Variants in MED22 observed in about 807,000 individuals in gnomAD.
MED22 encodes the protein mediator complex subunit 22.
A neutral mutation model predicts 22.7 loss-of-function variants in MED22; 22 were observed. The ratio of observed to expected loss-of-function variants is 0.97; its 90% CI spans 0.69 to 1.38. The LOEUF (loss-of-function observed/expected upper bound fraction) is 1.38. MED22 is among the 40% of genes most tolerant of loss of function. MED22 has a pLI of 0.00. For missense variants in MED22, 247 were observed against 263.0 expected, an observed-to-expected ratio of 0.94 and a Z score of 0.42; for synonymous variants, 134 against 119.4, an observed-to-expected ratio of 1.12 and a Z score of -0.80.
intron 4 of MED22, chr9:133,343,276 C>T: frequency 8.2e-7 from 1 of 1,223,046 alleles, no homozygotes; most frequent in Non-Finnish European, 1.0e-6. Context: ...GGAGAAGGCA[C>T]AAGATGGACA....
chr9:133,347,046 C>G (rs1330406459), intron 1 of MED22: 9 of 209,572 alleles, frequency 4.3e-5, no homozygotes, highest in Admixed American at 3.3e-4. Context: ...CTTCTTAGCC[C>G]GCCGCCACCT....
intron 4 of MED22, chr9:133,342,895 T>C: frequency 1.0e-6 from 1 of 985,528 alleles, no homozygotes; most frequent in Non-Finnish European, 1.2e-6. Flanking sequence ...GCAGGCTGAA[T>C]TACAGGCCCA....
rs1169735517 is a variant in MED22, at chr9:133,343,221, A to G, written c.413+904T>C. The G allele has an allele frequency of 2.6e-6, 3 of 1,162,322 alleles. No homozygotes were observed. The African/African-American group carries it at 4.8e-5, about 18-fold the overall frequency. The allele number at this position is 1,162,322 out of a possible 1,614,324, so 72.0% of individuals were successfully genotyped here. Reference sequence around the variant, plus strand: ...GGCTCCCAGCATGGCCAATGGGCAGAAAGGAGTATTTTAAATCCACCACCA... The same window carrying G: ...GGCTCCCAGCATGGCCAATGGGCAGGAAGGAGTATTTTAAATCCACCACCA... On this transcript the variant is annotated intron_variant, in intron 4 of 4. Transcript: ENST00000343730.
In MED22 at chr9:133,339,284, G is replaced by T. The variant is rs1211673115; in HGVS notation, c.*2221C>A. ...ATATTCAGCACACTAAGCACTCTAA[G>T]AGCCGAGAGAGCTTCCTGAAACGCG... On this transcript the variant is annotated 3_prime_UTR_variant, in exon 5 of 5. Coordinates refer to ENST00000343730, the MANE Select transcript of MED22 (RefSeq NM_133640.5). The T allele has an allele frequency of 1.1e-4, 77 of 704,526 alleles. 2 individuals are homozygous for T. Among genetic ancestry groups the T allele is most frequent in the South Asian group, 1.0e-3 (75 of 73,204 alleles). The allele number at this position is 704,526 out of a possible 1,614,324, so 43.6% of individuals were successfully genotyped here.
chr9:133,341,842 C>A (rs186231211), intron 4 of MED22, 148 bp from the exon 5 acceptor site: 1,413 of 1,405,392 alleles, frequency 1.0e-3, no homozygotes, highest in Non-Finnish European at 1.1e-3. Context: ...CTCCATCTGT[C>A]CCCTGAGTTG....
rs1193600660 is a variant in MED22, at chr9:133,339,557, T to C, written c.*1948A>G. On this transcript the variant is annotated 3_prime_UTR_variant, in exon 5 of 5. Coordinates refer to ENST00000343730, the MANE Select transcript of MED22 (RefSeq NM_133640.5). ...TGGGGAACAACTGAAGAAATCTGAA[T>C]ACAGCTAGATACCAGAGGATATGCA... 2.0e-6 allele frequency: 1 copy of C among 500,350 alleles called. No homozygotes were observed. The highest frequency in any genetic ancestry group is 2.0e-5 in the African/African-American group (1 of 50,724). The allele number at this position is 500,350 out of a possible 1,614,324, so 31.0% of individuals were successfully genotyped here.
At position 133,344,119 on chromosome 9, in the gene MED22, T is replaced by C. The variant is rs2129959484; in HGVS notation, c.413+6A>G. 6 of 1,614,102 alleles carry C rather than the reference T, an allele frequency of 3.7e-6. No individual in the cohort carries two copies. In the Middle Eastern group the frequency reaches 4.9e-4, roughly 133 times the overall value. ...CTCTGCATGGGGAGTCCAGCGCTATTTATACCTGGACGAGTAATACTCCTC... is the reference window on the plus strand; with the variant it reads ...CTCTGCATGGGGAGTCCAGCGCTATCTATACCTGGACGAGTAATACTCCTC... On this transcript the variant is annotated splice_donor_region_variant and intron_variant, in intron 4 of 4. Coordinates refer to ENST00000343730, the MANE Select transcript of MED22 (RefSeq NM_133640.5).
At chr9:133,345,404 G>T in intron 2 of MED22, 152 bp from the exon 3 acceptor site, 1 of 730,090 alleles carries the variant, frequency 1.4e-6, no homozygotes, top group Non-Finnish European at 2.3e-6. Context: ...CCTAAGCGCT[G>T]TCAGCCAGAC....
intron 1 of MED22, chr9:133,347,574 CCCGGTGCG>C (rs1257778899): frequency 6.6e-6 from 1 of 152,338 alleles, no homozygotes; most frequent in Non-Finnish European, 1.5e-5. Flanking sequence ...CTCATGGTTC[CCCGGTGCG>C]CCGGGACAAG....
rs997369995 is a variant in MED22 at position 133,340,024 on chromosome 9, C to T, written c.*1481G>A. ...ATTTTAGGAACAGGGTAAGTGGGAT[C>T]CCACCACAAAGTCTGGCCAGTTCCT... On this transcript the variant is annotated 3_prime_UTR_variant, in exon 5 of 5. Transcript: ENST00000343730. The T allele has an allele frequency of 2.6e-5, 4 of 152,380 alleles. No individual in the cohort carries two copies. Among genetic ancestry groups the T allele is most frequent in the African/African-American group, 9.7e-5 (4 of 41,432 alleles). 9.4% of individuals were successfully genotyped at this position (152,380 alleles called of 1,614,324 possible). A position where few individuals can be genotyped will look rare whatever the true frequency, so the allele number is the denominator to read the frequency against.
Position 133,338,912 on chromosome 9 carries a change from C to A in MED22, c.*2593G>T. The A allele has an allele frequency of 1.9e-6, 1 of 533,904 alleles. No homozygotes were observed. 33.1% of individuals were successfully genotyped at this position (533,904 alleles called of 1,614,324 possible). A position where few individuals can be genotyped will look rare whatever the true frequency, so the allele number is the denominator to read the frequency against. ...TTTAGATTTTAAGACTCCAAAATAA[C>A]AACCAAATGCAACACACAATAAAAA... On this transcript the variant is annotated 3_prime_UTR_variant, in exon 5 of 5. Coordinates refer to ENST00000343730, the MANE Select transcript of MED22 (RefSeq NM_133640.5).
Position 133,344,299 on chromosome 9 carries a change from G to T in MED22, c.239C>A (p.Ser80Tyr). ...RAGESLMKLVSDLKQFLILND... is the reference protein window; with the variant it reads ...RAGESLMKLVYDLKQFLILND... The stretch of plus-strand genomic sequence containing the variant: ...GAGGATCAGGAACTGCTTGAGGTCG[G>T]ACACCAGCTTCATCAGGGACTCGCC... Residue 80 changes from serine (S) to tyrosine (Y), a missense_variant, in exon 4 of 5, where the codon TCC becomes TAC. Ser to Tyr is a moderately radical substitution (Grantham distance 144). Transcript: ENST00000343730. The T allele has an allele frequency of 6.2e-7, 1 of 1,614,124 alleles. No individual in the cohort carries two copies. Among genetic ancestry groups the T allele is most frequent in the South Asian group, 1.1e-5 (1 of 91,084 alleles).
chr9:133,347,855 A>T lies in MED22; in HGVS notation c.-39+67T>A, dbSNP rs1000438055. 1.6e-4 allele frequency: 6 copies of T among 38,030 alleles called. No homozygotes were observed. The East Asian group carries it at 4.0e-3, about 25-fold the overall frequency. The allele number at this position is 38,030 out of a possible 1,614,324, so 2.4% of individuals were successfully genotyped here. On this transcript the variant is annotated intron_variant, in intron 1 of 4. Transcript: ENST00000343730. ...CTCCGACCCCAGCGCCTACGCACCC[A>T]CCCACCCCCACTCCCGCCCACACAC...
rs2129945902 is a variant in MED22, at chr9:133,340,827, G to T, written c.*678C>A. ...GGCCAGGCTGTCCAGGCAGAGCTGA[G>T]GAGCTGCTGCTCGGACAACTGCTGG... On this transcript the variant is annotated 3_prime_UTR_variant, in exon 5 of 5. Transcript: ENST00000343730. The T allele has an allele frequency of 6.6e-6, 1 of 152,326 alleles. No individual in the cohort carries two copies. The highest frequency in any genetic ancestry group is 1.5e-5 in the Non-Finnish European group (1 of 68,114). The allele number at this position is 152,326 out of a possible 1,614,324, so 9.4% of individuals were successfully genotyped here.
intron 3 of MED22, 117 bp downstream of exon 3, chr9:133,345,055 T>C: frequency 1.0e-6 from 1 of 964,194 alleles, no homozygotes; most frequent in Non-Finnish European, 1.6e-6. Flanking sequence ...CTCCTTCTGC[T>C]CCTTCTCGGG....
At position 133,339,582 on chromosome 9, in the gene MED22, AATC is replaced by A. The variant is rs1339752846; in HGVS notation, c.*1920_*1922del. On this transcript the variant is annotated 3_prime_UTR_variant, in exon 5 of 5. Coordinates refer to ENST00000343730, the MANE Select transcript of MED22 (RefSeq NM_133640.5). The stretch of plus-strand genomic sequence containing the variant: ...TACAGCTAGATACCAGAGGATATGC[AATC>A]ATCATCCATTCTGGTTGTGGTGATG... 7 of 460,272 alleles carry A rather than the reference AATC, an allele frequency of 1.5e-5. No individual in the cohort carries two copies. The East Asian group carries it at 3.1e-4, about 20-fold the overall frequency. 28.5% of individuals were successfully genotyped at this position (460,272 alleles called of 1,614,324 possible).
intron 4 of MED22, chr9:133,343,215 G>A (rs935880013): frequency 2.0e-5 from 23 of 1,144,856 alleles, no homozygotes; most frequent in Non-Finnish European, 2.2e-5. Context: ...CATGGCCAAT[G>A]GGCAGAAAGG....
intron 2 of MED22, 82 bp downstream of exon 2, chr9:133,346,458 C>T (rs1836181789): frequency 1.9e-6 from 3 of 1,560,638 alleles, no homozygotes; most frequent in Admixed American, 3.4e-5. Context: ...ACACTATTCA[C>T]TCGCGCTGCT....
chr9:133,344,125 C>T lies in MED22; in HGVS notation c.413G>A (p.Ser138Asn), dbSNP rs2129959524. ...ATGGGGAGTCCAGCGCTATTTATAC[C>T]TGGACGAGTAATACTCCTCCTCCAG... ...YELEEEYYSSSSSLCEANDLP... is the reference protein window; with the variant it reads ...YELEEEYYSSNSSLCEANDLP... The change falls in exon 4 of 5, where the codon AGC (serine) becomes AAC (asparagine). Residue 138 changes from serine (S) to asparagine (N), a missense_variant and splice_region_variant. Transcript: ENST00000343730. 1.2e-5 allele frequency: 20 copies of T among 1,614,166 alleles called. No homozygotes were observed. The highest frequency in any genetic ancestry group is 1.7e-5 in the Non-Finnish European group (20 of 1,180,046).
Sources: allele counts gnomAD v4.1 joint callset, GRCh38; gene constraint gnomAD v4.1.1; transcripts MANE v1.5; gene names NCBI Gene and HGNC (gene_info 2026-07-23, HGNC 2026-07-21).